The following ADAMTS4 variants were observed in gnomAD, a reference collection of about 807,000 sequenced individuals.
ADAMTS4 encodes A disintegrin and metalloproteinase with thrombospondin motifs 4.
Under a neutral mutation model 66.7 loss-of-function variants are expected in ADAMTS4, and 38 were observed. The observed-to-expected ratio is 0.57, with a 90% CI of 0.44 to 0.75. ADAMTS4 has a LOEUF of 0.75. Ranked by LOEUF, ADAMTS4 falls within the 30% of genes least tolerant of loss-of-function variation. The probability of loss-of-function intolerance (pLI) is 0.00; values close to 1 mark genes in which losing one functional copy is unlikely to be tolerated. For missense variants in ADAMTS4, 1,014 were observed against 1,116.7 expected (o/e 0.91, Z 1.31); for synonymous variants, 418 against 461.5 (o/e 0.91, Z 1.21).
rs753529783 is a variant in ADAMTS4 at position 161,192,240 on chromosome 1, C to G, written c.1912G>C (p.Val638Leu). The G allele has an allele frequency of 4.0e-5, 64 of 1,612,718 alleles. No individual in the cohort carries two copies. In the Admixed American group the frequency reaches 1.1e-3, roughly 27 times the overall value. Residue 638 changes from valine to leucine, a missense_variant and splice_region_variant, in exon 8 of 9, where the codon GTG becomes CTG. Physicochemically the swap from Val to Leu is conservative, Grantham distance 32 (BLOSUM62 1). Transcript: ENST00000367996. ...LGYYYVLEPRVVDGTPCSPDS... is the reference protein window; with the variant it reads ...LGYYYVLEPRLVDGTPCSPDS... The stretch of plus-strand genomic sequence containing the variant: ...GGGGAACAGGGGGTCCCATCTACCA[C>G]CTGAGGAAAAGAGAAAGAACAATGC...
At position 161,194,065 on chromosome 1, in the gene ADAMTS4, G is replaced by A. The variant is rs1220008538; in HGVS notation, c.1418C>T (p.Ser473Phe). ...CATGGCATGGCCATTGAGGTGGCCA[G>A]AGCACCAGAGGGCAGCACAGGGCGG... Reference protein sequence around the residue: ...LPPPCAALWCSGHLNGHAMCQ... With the variant: ...LPPPCAALWCFGHLNGHAMCQ... Residue 473 changes from serine to phenylalanine, a missense_variant, in exon 5 of 9, where the codon TCT (serine) becomes TTT (phenylalanine). Transcript: ENST00000367996. The surrounding 1 kb of genome is among the most constrained non-coding windows in gnomAD (Gnocchi z 4.1). 3 of 1,614,240 alleles carry A rather than the reference G, an allele frequency of 1.9e-6. No homozygotes were observed. In the Admixed American group the frequency reaches 5.0e-5, roughly 27 times the overall value.
rs982963213 is a variant in ADAMTS4, at chr1:161,193,132, G to A, written c.1911+81C>T. 10 of 1,454,318 alleles carry A rather than the reference G, an allele frequency of 6.9e-6. No individual in the cohort carries two copies. The highest frequency in any genetic ancestry group is 9.2e-6 in the Non-Finnish European group (10 of 1,083,306). The allele number at this position is 1,454,318 out of a possible 1,614,324, so 90.1% of individuals were successfully genotyped here. A position where few individuals can be genotyped will look rare whatever the true frequency, so the allele number is the denominator to read the frequency against. Reference sequence around the variant, plus strand: ...CTGTAGGAACAGGGTTACTTTGGGTGATCTTTGTTATCAGAAAGCAGAGGG... The same window carrying A: ...CTGTAGGAACAGGGTTACTTTGGGTAATCTTTGTTATCAGAAAGCAGAGGG... On this transcript the variant is annotated intron_variant, in intron 7 of 8. Transcript: ENST00000367996. The surrounding 1 kb of genome is among the most constrained non-coding windows in gnomAD (Gnocchi z 4.4).
At position 161,185,041 on chromosome 1, in the gene ADAMTS4, G is replaced by C. The variant is rs1664515877; in HGVS notation, c.*6097C>G. The C allele has an allele frequency of 1.6e-5, 2 of 127,630 alleles. No homozygotes were observed. Among genetic ancestry groups the C allele is most frequent in the Non-Finnish European group, 3.2e-5 (2 of 61,682 alleles). The allele number at this position is 127,630 out of a possible 1,614,324, so 7.9% of individuals were successfully genotyped here. On this transcript the variant is annotated 3_prime_UTR_variant, in exon 9 of 9. Coordinates refer to ENST00000367996, the MANE Select transcript of ADAMTS4 (RefSeq NM_005099.6). ...GTCTTAAGAAAAAAAAGAAGAAAAA[G>C]AAAGGCAGGGGGGGAGGGGGGAGGG...
At position 161,196,210 on chromosome 1, in the gene ADAMTS4, C is replaced by T; in HGVS notation, c.1051G>A (p.Asp351Asn). Residue 351 changes from aspartate (D) to asparagine (N), a missense_variant, in exon 3 of 9, where the codon GAT becomes AAT. Coordinates refer to ENST00000367996, the MANE Select transcript of ADAMTS4 (RefSeq NM_005099.6). Reference protein sequence around the residue: ...PARSCAIVEDDGLQSAFTAAH... With the variant: ...PARSCAIVEDNGLQSAFTAAH... The stretch of plus-strand genomic sequence containing the variant: ...GCAGTGAAGGCTGACTGGAGCCCAT[C>T]ATCCTCCACAATGGCACAGCTCCGA... The T allele has an allele frequency of 6.2e-7, 1 of 1,613,196 alleles. No individual in the cohort carries two copies. Among genetic ancestry groups the T allele is most frequent in the Non-Finnish European group, 8.5e-7 (1 of 1,179,592 alleles).
chr1:161,197,961 G>A, intron 1 of ADAMTS4, 34 bp downstream of exon 1: 2 of 1,524,620 alleles, frequency 1.3e-6, no homozygotes, highest in Non-Finnish European at 1.8e-6. Context: ...ATGGCGGGAG[G>A]ACACCGCAGG....
In ADAMTS4 at chr1:161,194,168, G is replaced by A. The variant is rs745567847; in HGVS notation, c.1315C>T (p.Pro439Ser). 6.2e-7 allele frequency: 1 copy of A among 1,614,144 alleles called. No individual in the cohort carries two copies. Among genetic ancestry groups the A allele is most frequent in the Non-Finnish European group, 8.5e-7 (1 of 1,179,998 alleles). The change falls in exon 5 of 9, where the codon CCT becomes TCT. Residue 439 changes from proline to serine, a missense_variant. By Grantham distance (74) the Pro-to-Ser change is moderately conservative. Coordinates refer to ENST00000367996, the MANE Select transcript of ADAMTS4 (RefSeq NM_005099.6). The surrounding 1 kb of genome is among the most constrained non-coding windows in gnomAD (Gnocchi z 4.1). ...EAPLHLPVTF[P>S]GKDYDADRQC... Reference sequence around the variant, plus strand: ...CGGTCAGCATCATAGTCCTTGCCAGGGAAAGTCACAGGCAGATGCAATGGA... The same window carrying A: ...CGGTCAGCATCATAGTCCTTGCCAGAGAAAGTCACAGGCAGATGCAATGGA...
Position 161,193,635 on chromosome 1 carries a change from C to T in ADAMTS4, c.1735+5G>A. On this transcript the variant is annotated splice_donor_5th_base_variant and intron_variant, in intron 6 of 8. Coordinates refer to ENST00000367996, the MANE Select transcript of ADAMTS4 (RefSeq NM_005099.6). This position sits in a 1 kb window ranked among gnomAD's most constrained non-coding sequence, Gnocchi z 4.4. ...CCAAGGGCTCCCATCCCCCCTACTC[C>T]TCACCTGAGCCAGTTGGGCAGTCCT... 1 of 1,606,226 alleles carries T rather than the reference C, an allele frequency of 6.2e-7. No individual in the cohort carries two copies. The highest frequency in any genetic ancestry group is 8.5e-7 in the Non-Finnish European group (1 of 1,175,558).
Position 161,192,342 on chromosome 1 carries a change from G to A in ADAMTS4, c.1912-102C>T, listed in dbSNP as rs1029470535. 33 of 1,188,480 alleles carry A rather than the reference G, an allele frequency of 2.8e-5. 1 individual carries two copies. In the African/African-American group the frequency reaches 3.5e-4, roughly 13 times the overall value. 73.6% of individuals were successfully genotyped at this position (1,188,480 alleles called of 1,614,324 possible). On this transcript the variant is annotated intron_variant, in intron 7 of 8. Coordinates refer to ENST00000367996, the MANE Select transcript of ADAMTS4 (RefSeq NM_005099.6). ...TCCCATCAGGGAAGCAATGTTGTCG[G>A]AAAAGTTGGATGAAGTAGGGGATGT...
In ADAMTS4 at chr1:161,189,751, G is replaced by A. The variant is rs1370077594; in HGVS notation, c.*1387C>T. The A allele has an allele frequency of 3.9e-5, 6 of 152,200 alleles. No homozygotes were observed. The highest frequency in any genetic ancestry group is 2.1e-4 in the South Asian group (1 of 4,832). The allele number at this position is 152,200 out of a possible 1,614,324, so 9.4% of individuals were successfully genotyped here. A position where few individuals can be genotyped will look rare whatever the true frequency, so the allele number is the denominator to read the frequency against. ...TTGTTGAGCACTTACTAGATGCTGA[G>A]TGTTATGCTAGTTCTTTATTTACAT... On this transcript the variant is annotated 3_prime_UTR_variant, in exon 9 of 9. Coordinates refer to ENST00000367996, the MANE Select transcript of ADAMTS4 (RefSeq NM_005099.6).
rs751197275 is a variant in ADAMTS4 at position 161,198,195 on chromosome 1, C to T, written c.433G>A (p.Asp145Asn). The change falls in exon 1 of 9, where the codon GAT becomes AAT. Residue 145 changes from aspartate (D) to asparagine (N), a missense_variant. Transcript: ENST00000367996. This position sits in a 1 kb window ranked among gnomAD's most constrained non-coding sequence, Gnocchi z 4.7. ...DPESVASLHWDGGALLGVLQY... is the reference protein window; with the variant it reads ...DPESVASLHWNGGALLGVLQY... ...AACACGCCTAACAGGGCTCCCCCAT[C>T]CCAGTGCAGAGATGCCACCGACTCC... The T allele has an allele frequency of 1.2e-6, 2 of 1,614,100 alleles. No homozygotes were observed. The highest frequency in any genetic ancestry group is 1.1e-5 in the South Asian group (1 of 91,082).
At chr1:161,195,749 C>A in intron 3 of ADAMTS4, 114 bp from the exon 4 acceptor site, 1 of 1,038,348 alleles carries the variant, frequency 9.6e-7, no homozygotes. Flanking sequence ...CCACCTCACC[C>A]TGCCCCCAGT....
Position 161,193,710 on chromosome 1 carries a change from A to G in ADAMTS4, c.1665T>C (p.Gly555=), listed in dbSNP as rs1465750187. Residue 555 remains glycine (G), a synonymous_variant, in exon 6 of 9, where the codon GGT becomes GGC. Transcript: ENST00000367996. The surrounding 1 kb of genome is among the most constrained non-coding windows in gnomAD (Gnocchi z 4.4). The part of the protein sequence containing the change: ...RDCTRPVPRN[G]GKYCEGRRTR... ...TACGGCGGCCCTCACAGTACTTGCC[A>G]CCATTCCGGGGGACAGGCCTCGTGC... is the stretch of plus-strand genomic sequence containing the variant. The G allele has an allele frequency of 6.2e-7, 1 of 1,613,882 alleles. No individual in the cohort carries two copies. The highest frequency in any genetic ancestry group is 8.5e-7 in the Non-Finnish European group (1 of 1,179,958).
Position 161,189,236 on chromosome 1 carries a change from G to A in ADAMTS4, c.*1902C>T, listed in dbSNP as rs1218707690. 1 of 151,994 alleles carries A rather than the reference G, an allele frequency of 6.6e-6. No individual in the cohort carries two copies. The highest frequency in any genetic ancestry group is 6.6e-5 in the Admixed American group (1 of 15,238). 9.4% of individuals were successfully genotyped at this position (151,994 alleles called of 1,614,324 possible). A position where few individuals can be genotyped will look rare whatever the true frequency, so the allele number is the denominator to read the frequency against. On this transcript the variant is annotated 3_prime_UTR_variant, in exon 9 of 9. Coordinates refer to ENST00000367996, the MANE Select transcript of ADAMTS4 (RefSeq NM_005099.6). ...TTCCCAGAACAACTCTGTGGGAGTA[G>A]ATACTGTTAGTCCCATATGAGCAAT...
In ADAMTS4 at chr1:161,191,521, G is replaced by A; in HGVS notation, c.2131C>T (p.His711Tyr). The A allele has an allele frequency of 6.2e-7, 1 of 1,613,970 alleles. No individual in the cohort carries two copies. The highest frequency in any genetic ancestry group is 8.5e-7 in the Non-Finnish European group (1 of 1,179,888). Residue 711 changes from histidine to tyrosine, a missense_variant, in exon 9 of 9, where the codon CAC (histidine) becomes TAC (tyrosine). By Grantham distance (83) the His-to-Tyr change is moderately conservative. Transcript: ENST00000367996. ...NVVTIPAGAT[H>Y]ILVRQQGNPG... ...TTTCCCTGCTGCCGGACAAGAATGTGGGTGGCCCCCGCGGGGATAGTGACC... is the reference window on the plus strand; with the variant it reads ...TTTCCCTGCTGCCGGACAAGAATGTAGGTGGCCCCCGCGGGGATAGTGACC...
chr1:161,196,049 T>C (rs546968902), intron 3 of ADAMTS4, 122 bp downstream of exon 3: 2 of 1,226,984 alleles, frequency 1.6e-6, no homozygotes, highest in South Asian at 1.7e-5. Flanking sequence ...AGAGGAGTAA[T>C]AGCCCTATAC....
rs542363975 is a variant in ADAMTS4, at chr1:161,189,308, G to T, written c.*1830C>A. 6.6e-6 allele frequency: 1 copy of T among 152,282 alleles called. No individual in the cohort carries two copies. Among genetic ancestry groups the T allele is most frequent in the South Asian group, 2.1e-4 (1 of 4,828 alleles). The allele number at this position is 152,282 out of a possible 1,614,324, so 9.4% of individuals were successfully genotyped here. On this transcript the variant is annotated 3_prime_UTR_variant, in exon 9 of 9. Coordinates refer to ENST00000367996, the MANE Select transcript of ADAMTS4 (RefSeq NM_005099.6). Reference sequence around the variant, plus strand: ...TTACCCAACACCACCCAGCTAATAAGACGCCGAGCCCCAAATTGAATCCAG... The same window carrying T: ...TTACCCAACACCACCCAGCTAATAATACGCCGAGCCCCAAATTGAATCCAG...
At chr1:161,197,956 G>A (rs372053565) in intron 1 of ADAMTS4, 39 bp downstream of exon 1, 252 of 1,523,266 alleles carry the variant, frequency 1.7e-4, no homozygotes, top group Non-Finnish European at 2.0e-4. Flanking sequence ...CAGACATGGC[G>A]GGAGGACACC....
At position 161,198,245 on chromosome 1, in the gene ADAMTS4, AG is replaced by A; in HGVS notation, c.382del (p.Leu128Ter). On this transcript the variant is annotated frameshift_variant, in exon 1 of 9. Coordinates refer to ENST00000367996, the MANE Select transcript of ADAMTS4 (RefSeq NM_005099.6). LOFTEE classifies it high-confidence loss of function. The surrounding 1 kb of genome is among the most constrained non-coding windows in gnomAD (Gnocchi z 4.7). ...CGGATCTCCATTGATGGTGCCAGTC[AG>A]GTAGGTGCCAGGCTCTGCTCCACCC... ...LLGGAEPGTY[L>X]TGTINGDPES... 1 of 1,614,060 alleles carries A rather than the reference AG, an allele frequency of 6.2e-7. No homozygotes were observed. The highest frequency in any genetic ancestry group is 8.5e-7 in the Non-Finnish European group (1 of 1,179,988).
In ADAMTS4 at chr1:161,198,835, T is replaced by G. The variant is rs768665399; in HGVS notation, c.-208A>C. 1 of 495,978 alleles carries G rather than the reference T, an allele frequency of 2.0e-6. No individual in the cohort carries two copies. The highest frequency in any genetic ancestry group is 3.5e-6 in the Non-Finnish European group (1 of 283,602). The allele number at this position is 495,978 out of a possible 1,614,324, so 30.7% of individuals were successfully genotyped here. On this transcript the variant is annotated 5_prime_UTR_variant, in exon 1 of 9. Transcript: ENST00000367996. The surrounding 1 kb of genome is among the most constrained non-coding windows in gnomAD (Gnocchi z 4.7). ...GGGAGAGGTGCCCAGGGGTCTGGCT[T>G]CTCCAAACTCTCCTCCTGAGCCCTC...
Sources: gnomAD v4.1 joint callset for allele counts on GRCh38, gnomAD v4.1.1 for gene constraint, Gnocchi (gnomAD v3.1) non-coding constraint, MANE v1.5 for transcripts, NCBI Gene and HGNC (gene_info 2026-07-23, HGNC 2026-07-21) for gene names.